HS2ST1: variants seen among roughly 807,000 people sequenced by gnomAD.
HS2ST1 encodes the protein heparan sulfate 2-O-sulfotransferase 1, also known as 2-O-sulfotransferase.
A neutral mutation model predicts 42.9 loss-of-function variants in HS2ST1; 18 were observed. That is an observed-to-expected ratio of 0.42 (90% CI 0.29 to 0.62). HS2ST1 has a LOEUF of 0.62. Ranked by LOEUF, HS2ST1 falls within the 20% of genes least tolerant of loss-of-function variation. HS2ST1 has a pLI of 0.21. For synonymous variants in HS2ST1, 146 were observed against 152.9 expected, an observed-to-expected ratio of 0.95 and a Z score of 0.33; for missense variants, 334 against 433.8, an observed-to-expected ratio of 0.77 and a Z score of 2.04.
chr1:86,992,585 C>T lies in HS2ST1; in HGVS notation c.124+77425C>T, dbSNP rs566854155. On this transcript the variant is annotated intron_variant, in intron 1 of 6. Transcript: ENST00000370550. ...CCATGTTGATCAGGCTGGTCTCTAA[C>T]TCCTGACCTCTGGTGATCTGCACGC... Among the ~76,000 whole-genome samples the T allele has an allele frequency of 3.7e-4, 57 of 152,286 alleles. No individual in the cohort carries two copies. The South Asian group carries it at 0.011, about 30-fold the overall frequency.
intron 1 of HS2ST1, among the ~76,000 whole-genome samples, chr1:86,959,120 C>T (rs72947897): frequency 0.029 from 4,372 of 152,218 alleles, 224 homozygotes; most frequent in African/African-American, 0.1. Flanking sequence ...AAAAAACTTA[C>T]AGCTAACATC....
intron 1 of HS2ST1, among the ~76,000 whole-genome samples, chr1:87,017,965 T>A (rs1013974519): frequency 1.8e-4 from 26 of 147,376 alleles, no homozygotes; most frequent in South Asian, 1.1e-3. Context: ...GGAAAACAGG[T>A]TTAAGGAATT....
chr1:86,977,398 A>T (rs559212275), intron 1 of HS2ST1, among the ~76,000 whole-genome samples: 40 of 152,368 alleles, frequency 2.6e-4, no homozygotes, highest in African/African-American at 9.4e-4. Context: ...GATTTGCACC[A>T]GTAGTTGTAT....
At position 87,041,253 on chromosome 1, in the gene HS2ST1, A is replaced by G. The variant is rs1352971134; in HGVS notation, c.125-31681A>G. ...AAAAAAAAAAAAACAAAAAAAAAAA[A>G]AGTGTGCACCTGTACTCCTAGCTAC... On this transcript the variant is annotated intron_variant, in intron 1 of 6. Coordinates refer to ENST00000370550, the MANE Select transcript of HS2ST1 (RefSeq NM_012262.4). Among the ~76,000 whole-genome samples the G allele has an allele frequency of 2.4e-4, 28 of 116,216 alleles. 1 individual carries two copies. Among genetic ancestry groups the G allele is most frequent in the Non-Finnish European group, 4.4e-4 (24 of 54,796 alleles). 76.2% of individuals were successfully genotyped at this position (116,216 alleles called of 152,430 possible). A position where few individuals can be genotyped will look rare whatever the true frequency, so the allele number is the denominator to read the frequency against.
rs1283771675 is a variant in HS2ST1 at position 86,985,415 on chromosome 1, T to C, written c.124+70255T>C. Among the ~76,000 whole-genome samples the C allele has an allele frequency of 4.6e-4, 27 of 58,468 alleles. 3 individuals carry two copies. Among genetic ancestry groups the C allele is most frequent in the African/African-American group, 1.0e-3 (22 of 22,074 alleles). 38.4% of individuals were successfully genotyped at this position (58,468 alleles called of 152,430 possible). Reference sequence around the variant, plus strand: ...ACACACACACATATATATACACATATATATACACATATATACACACATATA... The same window carrying C: ...ACACACACACATATATATACACATACATATACACATATATACACACATATA... On this transcript the variant is annotated intron_variant, in intron 1 of 6. Transcript: ENST00000370550.
intron 1 of HS2ST1, among the ~76,000 whole-genome samples, chr1:86,999,247 C>T (rs1414416816): frequency 5.3e-5 from 8 of 151,890 alleles, no homozygotes; most frequent in Non-Finnish European, 8.8e-5. Context: ...GGTGCGATCT[C>T]GGCTCACCGC....
At chr1:86,930,153 A>C (rs1341016850) in intron 1 of HS2ST1, among the ~76,000 whole-genome samples, 1 of 151,922 alleles carries the variant, frequency 6.6e-6, no homozygotes, top group Non-Finnish European at 1.5e-5. Context: ...TCTTAAGTAC[A>C]GGTCAGCCTT....
At chr1:87,044,357 A>G (rs754468825) in intron 1 of HS2ST1, among the ~76,000 whole-genome samples, 9 of 152,172 alleles carry the variant, frequency 5.9e-5, no homozygotes, top group Non-Finnish European at 1.0e-4. Context: ...ACCTGAAACT[A>G]TAACAATACA....
At chr1:87,000,788 A>G (rs1376473672) in intron 1 of HS2ST1, among the ~76,000 whole-genome samples, 2 of 152,232 alleles carry the variant, frequency 1.3e-5, no homozygotes, top group African/African-American at 4.8e-5. Flanking sequence ...CAGTGGGAAC[A>G]TACACAATTT....
intron 3 of HS2ST1, 25 bp from the exon 4 acceptor site, chr1:87,092,505 AC>A (rs749923261): frequency 6.6e-7 from 1 of 1,515,142 alleles, no homozygotes; most frequent in Non-Finnish European, 8.8e-7. Context: ...TGTTGATTTC[AC>A]CTTTGAAATT....
chr1:86,963,466 C>T (rs958016633), intron 1 of HS2ST1, among the ~76,000 whole-genome samples: 7 of 152,098 alleles, frequency 4.6e-5, no homozygotes, highest in African/African-American at 1.2e-4. Context: ...CAGAGAGCAC[C>T]GGGTTGTGGG....
chr1:87,013,753 A>C (rs1649670617), intron 1 of HS2ST1, among the ~76,000 whole-genome samples: 1 of 152,154 alleles, frequency 6.6e-6, no homozygotes, highest in Non-Finnish European at 1.5e-5. Context: ...TATTTTTGTA[A>C]GTACATAAAG....
At chr1:87,028,685 A>G (rs1371163104) in intron 1 of HS2ST1, among the ~76,000 whole-genome samples, 1 of 152,210 alleles carries the variant, frequency 6.6e-6, no homozygotes, top group Non-Finnish European at 1.5e-5. Context: ...CGTTTTTGCA[A>G]ACTCTAAATT....
intron 4 of HS2ST1, among the ~76,000 whole-genome samples, chr1:87,093,934 A>G (rs530813766): frequency 6.6e-6 from 1 of 152,118 alleles, no homozygotes; most frequent in East Asian, 1.9e-4. Flanking sequence ...ATACTGATCC[A>G]AACACAGATA....
chr1:86,916,748 T>C (rs1009736813), intron 1 of HS2ST1, among the ~76,000 whole-genome samples: 2 of 152,196 alleles, frequency 1.3e-5, no homozygotes, highest in African/African-American at 4.8e-5. Flanking sequence ...TTATTAATGA[T>C]CCAGCTCTAC....
rs369870152 is a variant in HS2ST1 at position 87,092,699 on chromosome 1, A to C, written c.588+30A>C. On this transcript the variant is annotated intron_variant, in intron 4 of 6. Transcript: ENST00000370550. ...TATTTTAGTTTTAAGATTTTTATAA[A>C]GATAATTGTTTATGAACTGCAGTGA... is the stretch of plus-strand genomic sequence containing the variant. 1.2e-5 allele frequency: 18 copies of C among 1,451,238 alleles called. No homozygotes were observed. In the African/African-American group the frequency reaches 2.2e-4, roughly 18 times the overall value. 89.9% of individuals were successfully genotyped at this position (1,451,238 alleles called of 1,614,324 possible). A position where few individuals can be genotyped will look rare whatever the true frequency, so the allele number is the denominator to read the frequency against.
chr1:86,985,523 T>C (rs1191036262), intron 1 of HS2ST1, among the ~76,000 whole-genome samples: 1 of 16,104 alleles, frequency 6.2e-5, no homozygotes, highest in African/African-American at 1.0e-4. Flanking sequence ...TATATACACA[T>C]ATATATACAT....
chr1:87,002,378 A>C (rs1649314378), intron 1 of HS2ST1, among the ~76,000 whole-genome samples: 1 of 152,128 alleles, frequency 6.6e-6, no homozygotes, highest in Non-Finnish European at 1.5e-5. Flanking sequence ...AGATTGCTTG[A>C]GTCCAGGAGT....
chr1:86,935,455 C>CTTTTTTTTTTTTT (rs552713297), intron 1 of HS2ST1, among the ~76,000 whole-genome samples: 3 of 62,060 alleles, frequency 4.8e-5, no homozygotes, highest in Non-Finnish European at 5.9e-5. Context: ...TCTTTTTCTC[C>CTTTTTTTTTTTTT]TTTTTTTTTT....
Sources: allele counts gnomAD v4.1 joint callset (sites outside exome capture counted in the v4.1 genomes callset), GRCh38; gene constraint gnomAD v4.1.1; transcripts MANE v1.5; gene names NCBI Gene and HGNC (gene_info 2026-07-23, HGNC 2026-07-21).